ZNF804B: variants seen among roughly 807,000 people sequenced by gnomAD.
The protein encoded by ZNF804B is zinc finger protein 804B.
Under a neutral mutation model 101.4 loss-of-function variants are expected in ZNF804B, and 80 were observed. The ratio of observed to expected loss-of-function variants is 0.79; its 90% CI spans 0.66 to 0.95. The LOEUF (loss-of-function observed/expected upper bound fraction) is 0.95. ZNF804B is among the 40% of genes least tolerant of loss of function. The pLI, the probability that ZNF804B is intolerant of heterozygous loss-of-function variation, is 0.00. For missense variants in ZNF804B, 1,673 were observed against 1,561.9 expected (o/e 1.07, Z -1.20); for synonymous variants, 622 against 558.8 (o/e 1.11, Z -1.59).
intron 3 of ZNF804B, among the ~76,000 whole-genome samples, chr7:89,332,468 G>A (rs1047122624): frequency 6.9e-6 from 1 of 144,052 alleles, no homozygotes; most frequent in Non-Finnish European, 1.5e-5. Context: ...AAGAATGCCA[G>A]TTCAAAGCAA....
At chr7:89,004,965 A>G (rs1788350941) in intron 1 of ZNF804B, among the ~76,000 whole-genome samples, 1 of 151,922 alleles carries the variant, frequency 6.6e-6, no homozygotes. Flanking sequence ...TTTCATTCAC[A>G]CAAACACTAT....
intron 1 of ZNF804B, among the ~76,000 whole-genome samples, chr7:89,008,598 G>T (rs552679242): frequency 1.2e-4 from 18 of 152,210 alleles, no homozygotes; most frequent in Admixed American, 9.8e-4. Flanking sequence ...TCATGCAGCT[G>T]GTGGCAGACT....
chr7:88,990,858 TA>T (rs1478900038), intron 1 of ZNF804B, among the ~76,000 whole-genome samples: 6 of 152,200 alleles, frequency 3.9e-5, no homozygotes, highest in Non-Finnish European at 7.4e-5. Flanking sequence ...AGCCCTATTA[TA>T]CCACTGCCTA....
At chr7:89,209,693 TTGC>T (rs1788774012) in intron 1 of ZNF804B, among the ~76,000 whole-genome samples, 1 of 152,248 alleles carries the variant, frequency 6.6e-6, no homozygotes, top group South Asian at 2.1e-4. Flanking sequence ...ATGAATTGTG[TTGC>T]CAGGGTAGGC....
At chr7:88,974,093 G>A (rs1184020435) in intron 1 of ZNF804B, among the ~76,000 whole-genome samples, 2 of 151,130 alleles carry the variant, frequency 1.3e-5, no homozygotes, top group African/African-American at 2.4e-5. Context: ...CTCCTATAGG[G>A]GATATATAGG....
intron 1 of ZNF804B, among the ~76,000 whole-genome samples, chr7:89,111,118 T>A (rs1003661732): frequency 6.6e-6 from 1 of 152,222 alleles, no homozygotes; most frequent in African/African-American, 2.4e-5. Context: ...CCACAGTTTA[T>A]CTCCAACCAT....
intron 1 of ZNF804B, among the ~76,000 whole-genome samples, chr7:88,766,070 G>A (rs1396545949): frequency 6.6e-6 from 1 of 152,170 alleles, no homozygotes; most frequent in East Asian, 1.9e-4. Context: ...AGGCTGAGGT[G>A]TGAGGATCCC....
intron 1 of ZNF804B, among the ~76,000 whole-genome samples, chr7:88,853,150 T>G (rs1791470743): frequency 6.6e-6 from 1 of 152,140 alleles, no homozygotes; most frequent in East Asian, 1.9e-4. Flanking sequence ...TGTTAAAATA[T>G]CCAATCATCT....
chr7:89,036,816 C>A lies in ZNF804B; in HGVS notation c.109-181339C>A, dbSNP rs1788937010. ...GTGTTGGGTTGGACTCACTTCCAAG[C>A]TGAATTTTTTTGAATAAAGGGCCAA... On this transcript the variant is annotated intron_variant, in intron 1 of 3. Coordinates refer to ENST00000333190, the MANE Select transcript of ZNF804B (RefSeq NM_181646.5). Among the ~76,000 whole-genome samples the A allele has an allele frequency of 2.6e-5, 4 of 152,004 alleles. No individual in the cohort carries two copies. The South Asian group carries it at 8.3e-4, about 31-fold the overall frequency.
chr7:88,821,259 G>A (rs1382138323), intron 1 of ZNF804B, among the ~76,000 whole-genome samples: 3 of 152,130 alleles, frequency 2.0e-5, no homozygotes, highest in African/African-American at 4.8e-5. Flanking sequence ...CAAGTCTAGC[G>A]AGCATTGCTA....
At chr7:88,952,331 A>G (rs557727465) in intron 1 of ZNF804B, among the ~76,000 whole-genome samples, 1 of 151,956 alleles carries the variant, frequency 6.6e-6, no homozygotes, top group East Asian at 2.0e-4. Flanking sequence ...CGAGGCCTCA[A>G]ACTGATGACT....
chr7:89,023,403 A>G (rs1314365834), intron 1 of ZNF804B, among the ~76,000 whole-genome samples: 1 of 152,174 alleles, frequency 6.6e-6, no homozygotes, highest in Non-Finnish European at 1.5e-5. Flanking sequence ...ACAGATTAAC[A>G]TTCTCCTACT....
chr7:89,215,936 A>G (rs949316413), intron 1 of ZNF804B, among the ~76,000 whole-genome samples: 2 of 145,804 alleles, frequency 1.4e-5, no homozygotes, highest in Non-Finnish European at 3.0e-5. Context: ...AATAAGAACT[A>G]TGATTAAAAC....
chr7:88,787,603 C>G lies in ZNF804B; in HGVS notation c.108+27519C>G, dbSNP rs73705518. Among the ~76,000 whole-genome samples, 1,293 of 152,198 alleles carry G rather than the reference C, an allele frequency of 8.5e-3. 18 individuals carry two copies. Among genetic ancestry groups the G allele is most frequent in the African/African-American group, 0.03 (1,230 of 41,532 alleles). On this transcript the variant is annotated intron_variant, in intron 1 of 3. Transcript: ENST00000333190. ...GTTTAAACGTTCTTCAAAGATGTCA[C>G]CATATGATGGGAACTTTACACCATT...
rs547554116 is a variant in ZNF804B, at chr7:88,832,066, A to G, written c.108+71982A>G. Among the ~76,000 whole-genome samples the G allele has an allele frequency of 1.1e-4, 17 of 151,870 alleles. 1 individual carries two copies. The South Asian group carries it at 1.9e-3, about 17-fold the overall frequency. ...GTATATGTGGAACTTTTTGACTTGT[A>G]TAAATATTAGGGGGAGCTCTGTGTT... On this transcript the variant is annotated intron_variant, in intron 1 of 3. Transcript: ENST00000333190.
Position 89,046,394 on chromosome 7 carries a change from G to T in ZNF804B, c.109-171761G>T, listed in dbSNP as rs553980015. Among the ~76,000 whole-genome samples the T allele has an allele frequency of 3.3e-5, 5 of 152,144 alleles. 1 individual carries two copies. In the South Asian group the frequency reaches 6.2e-4, roughly 19 times the overall value. On this transcript the variant is annotated intron_variant, in intron 1 of 3. Coordinates refer to ENST00000333190, the MANE Select transcript of ZNF804B (RefSeq NM_181646.5). ...GAATGTCAAAGACATGGGACCATTTGTGTCTTTTGATAAGTTTATTCTTTC... is the reference window on the plus strand; with the variant it reads ...GAATGTCAAAGACATGGGACCATTTTTGTCTTTTGATAAGTTTATTCTTTC...
At chr7:89,231,647 C>T (rs1372268031) in intron 2 of ZNF804B, among the ~76,000 whole-genome samples, 2 of 151,860 alleles carry the variant, frequency 1.3e-5, no homozygotes. Context: ...TTATTTTACA[C>T]ATTTTTTCTT....
chr7:88,883,277 T>C (rs1418114687), intron 1 of ZNF804B, among the ~76,000 whole-genome samples: 1 of 152,144 alleles, frequency 6.6e-6, no homozygotes, highest in East Asian at 1.9e-4. Flanking sequence ...AGAGACTGCA[T>C]GCATCACATT....
At chr7:89,055,502 A>G (rs1049740716) in intron 1 of ZNF804B, among the ~76,000 whole-genome samples, 3 of 152,006 alleles carry the variant, frequency 2.0e-5, no homozygotes, top group Non-Finnish European at 4.4e-5. Flanking sequence ...GCGCAAGAGG[A>G]AAAATGGAGG....
Sources: gnomAD v4.1 joint callset for allele counts (sites outside exome capture counted in the v4.1 genomes callset) on GRCh38, gnomAD v4.1.1 for gene constraint, MANE v1.5 for transcripts, NCBI Gene and HGNC (gene_info 2026-07-23, HGNC 2026-07-21) for gene names.